SLX4IP: variants seen among roughly 807,000 people sequenced by gnomAD.
SLX4IP encodes the protein protein SLX4IP.
Under a neutral mutation model 32.9 loss-of-function variants are expected in SLX4IP, and 34 were observed. The ratio of observed to expected loss-of-function variants is 1.03; its 90% CI spans 0.79 to 1.38. The LOEUF (loss-of-function observed/expected upper bound fraction) is 1.38. SLX4IP is among the 40% of genes most tolerant of loss of function. The pLI, the probability that SLX4IP is intolerant of heterozygous loss-of-function variation, is 0.00. For synonymous variants in SLX4IP, 172 were observed against 171.7 expected, an observed-to-expected ratio of 1.00 and a Z score of -0.01; for missense variants, 444 against 479.0, an observed-to-expected ratio of 0.93 and a Z score of 0.68.
chr20:10,531,345 T>A (rs2065987835), intron 2 of SLX4IP, among the ~76,000 whole-genome samples: 1 of 152,276 alleles, frequency 6.6e-6, no homozygotes, highest in South Asian at 2.1e-4. Flanking sequence ...GTTTGAGGTA[T>A]ATCTTGTGGA....
chr20:10,561,459 G>A (rs995639342), intron 4 of SLX4IP, among the ~76,000 whole-genome samples: 1 of 151,574 alleles, frequency 6.6e-6, no homozygotes, highest in Admixed American at 6.6e-5. Context: ...TTCTACATAT[G>A]AGTGAGAACA....
At chr20:10,596,108 A>T (rs2066768459) in intron 4 of SLX4IP, among the ~76,000 whole-genome samples, 1 of 152,158 alleles carries the variant, frequency 6.6e-6, no homozygotes, top group African/African-American at 2.4e-5. Context: ...TTGAGACTTG[A>T]TTGTTCAGCA....
At chr20:10,582,783 T>C (rs757860414) in intron 4 of SLX4IP, among the ~76,000 whole-genome samples, 1 of 152,186 alleles carries the variant, frequency 6.6e-6, no homozygotes, top group African/African-American at 2.4e-5. Flanking sequence ...ATTATAGTTA[T>C]AGTTCACAAC....
At chr20:10,607,277 T>A (rs1314389255) in intron 6 of SLX4IP, among the ~76,000 whole-genome samples, 1 of 152,166 alleles carries the variant, frequency 6.6e-6, no homozygotes, top group African/African-American at 2.4e-5. Context: ...CTGATGACAC[T>A]AAGATATTTG....
chr20:10,516,364 C>G (rs1427623762), intron 2 of SLX4IP, among the ~76,000 whole-genome samples: 3 of 147,156 alleles, frequency 2.0e-5, no homozygotes, highest in Non-Finnish European at 4.5e-5. Flanking sequence ...GAGAAAATCA[C>G]CTTATTAATC....
At chr20:10,554,558 A>G (rs1329821093) in intron 2 of SLX4IP, among the ~76,000 whole-genome samples, 2 of 152,128 alleles carry the variant, frequency 1.3e-5, no homozygotes, top group Non-Finnish European at 2.9e-5. Context: ...TCCACTGGGA[A>G]AGTATGAGAG....
intron 2 of SLX4IP, among the ~76,000 whole-genome samples, chr20:10,515,922 T>C (rs1042064537): frequency 1.3e-5 from 2 of 152,210 alleles, no homozygotes; most frequent in African/African-American, 4.8e-5. Context: ...TTGGTCTTGC[T>C]CTGTTACCTG....
chr20:10,520,899 A>G (rs2065896397), intron 2 of SLX4IP, among the ~76,000 whole-genome samples: 1 of 152,166 alleles, frequency 6.6e-6, no homozygotes, highest in Non-Finnish European at 1.5e-5. Flanking sequence ...CCCAGAAGTG[A>G]GCACTCTATA....
chr20:10,462,876 A>C (rs2065349825), intron 2 of SLX4IP, among the ~76,000 whole-genome samples: 1 of 152,384 alleles, frequency 6.6e-6, no homozygotes, highest in East Asian at 1.9e-4. Context: ...TAAGGAAAGC[A>C]TAACAAATTT....
intron 1 of SLX4IP, among the ~76,000 whole-genome samples, chr20:10,456,159 G>T (rs1270362769): frequency 6.6e-6 from 1 of 152,100 alleles, no homozygotes; most frequent in South Asian, 2.1e-4. Flanking sequence ...AGTGAATTTT[G>T]TGTTTAGATT....
intron 4 of SLX4IP, among the ~76,000 whole-genome samples, chr20:10,564,391 G>C (rs566829627): frequency 4.6e-5 from 7 of 152,260 alleles, no homozygotes; most frequent in African/African-American, 1.4e-4. Flanking sequence ...TTTCTGTGTA[G>C]GTAGTTTGGA....
intron 2 of SLX4IP, among the ~76,000 whole-genome samples, chr20:10,480,467 A>T (rs1334611367): frequency 6.6e-6 from 1 of 152,146 alleles, no homozygotes; most frequent in Admixed American, 6.5e-5. Context: ...ATCATTCCGG[A>T]TGTGTACTGT....
chr20:10,443,958 T>C (rs1404180427), intron 1 of SLX4IP, among the ~76,000 whole-genome samples: 2 of 152,204 alleles, frequency 1.3e-5, no homozygotes, highest in Non-Finnish European at 2.9e-5. Flanking sequence ...CCATGCTTCC[T>C]GTAGAGCCTG....
chr20:10,492,231 A>G (rs1313344618), intron 2 of SLX4IP, among the ~76,000 whole-genome samples: 1 of 152,158 alleles, frequency 6.6e-6, no homozygotes, highest in Non-Finnish European at 1.5e-5. Context: ...TGGCTGCTGT[A>G]GGGGATGTGT....
intron 2 of SLX4IP, among the ~76,000 whole-genome samples, chr20:10,480,064 C>T (rs898370737): frequency 1.3e-5 from 2 of 151,396 alleles, no homozygotes; most frequent in African/African-American, 4.9e-5. Context: ...AAAAAATGAC[C>T]TATTTATTTT....
intron 4 of SLX4IP, among the ~76,000 whole-genome samples, chr20:10,567,472 T>C (rs141234375): frequency 3.3e-5 from 5 of 152,268 alleles, no homozygotes; most frequent in Non-Finnish European, 7.3e-5. Context: ...CAAGGCACCA[T>C]CTTGGAAACA....
At chr20:10,464,899 C>G (rs2065367138) in intron 2 of SLX4IP, among the ~76,000 whole-genome samples, 1 of 152,090 alleles carries the variant, frequency 6.6e-6, no homozygotes, top group Non-Finnish European at 1.5e-5. Context: ...AAACTGTCCT[C>G]CCGACTTGGC....
At chr20:10,462,659 G>A (rs184994150) in intron 2 of SLX4IP, among the ~76,000 whole-genome samples, 28 of 152,232 alleles carry the variant, frequency 1.8e-4, no homozygotes, top group African/African-American at 6.0e-4. Context: ...GAAAGGATGT[G>A]GTCTTCCAAA....
chr20:10,524,844 C>G (rs2065928260), intron 2 of SLX4IP, among the ~76,000 whole-genome samples: 1 of 152,176 alleles, frequency 6.6e-6, no homozygotes, highest in Admixed American at 6.5e-5. Flanking sequence ...GAATTCTGAT[C>G]TCCTGCTCAG....
Sources: allele counts gnomAD v4.1 joint callset (sites outside exome capture counted in the v4.1 genomes callset), GRCh38; gene constraint gnomAD v4.1.1; transcripts MANE v1.5; gene names NCBI Gene and HGNC (gene_info 2026-07-23, HGNC 2026-07-21).